SEMA3C: variants seen among roughly 807,000 people sequenced by gnomAD.
SEMA3C encodes semaphorin 3C, also known as semaphorin-3C.
Under a neutral mutation model 89.4 loss-of-function variants are expected in SEMA3C, and 47 were observed. The ratio of observed to expected loss-of-function variants is 0.53; its 90% confidence interval spans 0.42 to 0.67. The LOEUF (loss-of-function observed/expected upper bound fraction) is 0.67. Ranked by LOEUF, SEMA3C falls within the 30% of genes least tolerant of loss-of-function variation. SEMA3C has a pLI of 0.00. For missense variants in SEMA3C, 839 were observed against 929.1 expected (o/e 0.90, Z 1.26); for synonymous variants, 310 against 320.2 (o/e 0.97, Z 0.34).
At chr7:80,895,275 G>A (rs1220525375) in intron 2 of SEMA3C, among the ~76,000 whole-genome samples, 1 of 152,130 alleles carries the variant, frequency 6.6e-6, no homozygotes, top group Non-Finnish European at 1.5e-5. Flanking sequence ...TGAATAAGAG[G>A]AAATTTGAAT....
At chr7:80,784,657 G>T (rs1012520284) in intron 12 of SEMA3C, among the ~76,000 whole-genome samples, 1 of 152,032 alleles carries the variant, frequency 6.6e-6, no homozygotes, top group African/African-American at 2.4e-5. Context: ...GGCTTGGCTG[G>T]CTAAAAGGTC....
At chr7:80,802,241 C>T (rs767499391) in intron 9 of SEMA3C, among the ~76,000 whole-genome samples, 7 of 152,058 alleles carry the variant, frequency 4.6e-5, no homozygotes, top group Non-Finnish European at 8.8e-5. Flanking sequence ...TCTACTCTGA[C>T]ACTTTTTTCC....
intron 2 of SEMA3C, among the ~76,000 whole-genome samples, chr7:80,891,499 T>C (rs1259615829): frequency 6.6e-6 from 1 of 151,176 alleles, no homozygotes; most frequent in Admixed American, 6.6e-5. Flanking sequence ...GAAATATACA[T>C]GGAGGGATAG....
chr7:80,846,114 C>T (rs1481454597), intron 2 of SEMA3C, among the ~76,000 whole-genome samples: 1 of 152,040 alleles, frequency 6.6e-6, no homozygotes, highest in African/African-American at 2.4e-5. Flanking sequence ...GTCTATGTGC[C>T]TAGGAGAAAA....
At chr7:80,773,545 C>T (rs939385026) in intron 12 of SEMA3C, among the ~76,000 whole-genome samples, 4 of 152,074 alleles carry the variant, frequency 2.6e-5, no homozygotes, top group Non-Finnish European at 5.9e-5. Context: ...TAACAGATAA[C>T]AGGCAGTGCA....
intron 11 of SEMA3C, among the ~76,000 whole-genome samples, chr7:80,794,549 C>T (rs766900300): frequency 3.9e-5 from 6 of 152,094 alleles, no homozygotes; most frequent in African/African-American, 9.7e-5. Context: ...CGTATCCTTG[C>T]CACTACTGAC....
chr7:80,746,811 G>A (rs1787813052), intron 17 of SEMA3C, among the ~76,000 whole-genome samples: 1 of 151,136 alleles, frequency 6.6e-6, no homozygotes, highest in Non-Finnish European at 1.5e-5. Context: ...CTTACTCTGG[G>A]CAGTGGGAAT....
intron 14 of SEMA3C, among the ~76,000 whole-genome samples, chr7:80,760,484 T>C (rs1788160417): frequency 6.6e-6 from 1 of 152,184 alleles, no homozygotes. Context: ...AAATGTTTGT[T>C]ATGCACCATA....
chr7:80,784,106 C>A (rs1402608119), intron 12 of SEMA3C, among the ~76,000 whole-genome samples: 1 of 152,024 alleles, frequency 6.6e-6, no homozygotes, highest in African/African-American at 2.4e-5. Context: ...TAAATATTTT[C>A]ATAACTCCAG....
intron 12 of SEMA3C, among the ~76,000 whole-genome samples, chr7:80,769,245 T>G (rs921017055): frequency 6.6e-6 from 1 of 152,190 alleles, no homozygotes; most frequent in Admixed American, 6.5e-5. Context: ...TATTTTAAAA[T>G]ATACAATAAA....
At chr7:80,909,135 C>T (rs950980258) in intron 2 of SEMA3C, among the ~76,000 whole-genome samples, 2 of 151,914 alleles carry the variant, frequency 1.3e-5, no homozygotes, top group African/African-American at 4.8e-5. Flanking sequence ...AGATATATAT[C>T]CTCTCTCCAT....
intron 2 of SEMA3C, among the ~76,000 whole-genome samples, chr7:80,901,339 G>A (rs1303186368): frequency 6.6e-6 from 1 of 152,072 alleles, no homozygotes; most frequent in Non-Finnish European, 1.5e-5. Context: ...TTTCCATTAG[G>A]CAAAACAATT....
At chr7:80,868,038 T>C (rs1397350239) in intron 2 of SEMA3C, among the ~76,000 whole-genome samples, 1 of 152,180 alleles carries the variant, frequency 6.6e-6, no homozygotes, top group Non-Finnish European at 1.5e-5. Flanking sequence ...TATGAAATCT[T>C]GCAATTTAAA....
chr7:80,860,008 A>C (rs1438694159), intron 2 of SEMA3C, among the ~76,000 whole-genome samples: 1 of 152,144 alleles, frequency 6.6e-6, no homozygotes, highest in Non-Finnish European at 1.5e-5. Context: ...CTAATTAATA[A>C]TAGGCATAAA....
chr7:80,833,460 TAA>T (rs113621191), intron 2 of SEMA3C, among the ~76,000 whole-genome samples: 1 of 145,800 alleles, frequency 6.9e-6, no homozygotes. Context: ...AGACTCTGTC[TAA>T]AAAAAAAAGA....
intron 5 of SEMA3C, 107 bp from the exon 6 acceptor site, chr7:80,810,808 G>T (rs1482050704): frequency 1.2e-6 from 1 of 833,714 alleles, no homozygotes; most frequent in Non-Finnish European, 2.0e-6. Context: ...CTTTCTAGTT[G>T]GTTGCTTATT....
chr7:80,747,024 G>GGA (rs536191998), intron 17 of SEMA3C, among the ~76,000 whole-genome samples: 2 of 14,568 alleles, frequency 1.4e-4, no homozygotes, highest in South Asian at 0.091. Context: ...TGAGTGAGAA[G>GGA]CATGTTTTCT....
At chr7:80,801,246 A>C (rs1789200746) in intron 9 of SEMA3C, among the ~76,000 whole-genome samples, 1 of 152,076 alleles carries the variant, frequency 6.6e-6, no homozygotes. Flanking sequence ...TTACTGTTTT[A>C]ATTAAAAAAA....
upstream of SEMA3C, chr7:80,919,143 C>G (rs1033601462): frequency 1.0e-6 from 1 of 984,420 alleles, no homozygotes; most frequent in African/African-American, 1.8e-5. Flanking sequence ...GGCGCGCCGC[C>G]CTGCAGGCTC....
Sources: gnomAD v4.1 joint callset for allele counts (sites outside exome capture counted in the v4.1 genomes callset) on GRCh38, gnomAD v4.1.1 for gene constraint, MANE v1.5 for transcripts, NCBI Gene and HGNC (gene_info 2026-07-23, HGNC 2026-07-21) for gene names.